STPG1: variants seen among roughly 807,000 people sequenced by gnomAD.
STPG1 encodes the protein O(6)-methylguanine-induced apoptosis 2.
STPG1 carries 33 observed loss-of-function variants against 40.1 expected under a neutral mutation model. The observed-to-expected ratio is 0.82, with a 90% CI of 0.62 to 1.10. The LOEUF is 1.10. Ranked by LOEUF, STPG1 falls within the 50% of genes least tolerant of loss-of-function variation. STPG1 has a pLI of 0.00. For missense variants in STPG1, 396 were observed against 415.1 expected, an observed-to-expected ratio of 0.95 and a Z score of 0.40; for synonymous variants, 150 against 155.0, an observed-to-expected ratio of 0.97 and a Z score of 0.24.
At chr1:24,390,041 A>G (rs1642694069) in intron 3 of STPG1, among the ~76,000 whole-genome samples, 1 of 152,230 alleles carries the variant, frequency 6.6e-6, no homozygotes, top group Non-Finnish European at 1.5e-5. Context: ...CCCTCACTCC[A>G]TGCCTTGGCT....
chr1:24,364,343 G>A, intron 7 of STPG1: 1 of 1,547,660 alleles, frequency 6.5e-7, no homozygotes, highest in Non-Finnish European at 8.7e-7. Flanking sequence ...ACCGTCAACA[G>A]CCTGCACTTC....
chr1:24,410,757 A>G (rs1040823089), intron 1 of STPG1: 2 of 152,300 alleles, frequency 1.3e-5, no homozygotes, highest in Non-Finnish European at 2.9e-5. Flanking sequence ...AGCACTGCCC[A>G]GGTGTGCCTC....
At chr1:24,413,463 G>A (rs1643837660) in intron 1 of STPG1, among the ~76,000 whole-genome samples, 1 of 152,256 alleles carries the variant, frequency 6.6e-6, no homozygotes, top group African/African-American at 2.4e-5. Flanking sequence ...CACTTTTCGG[G>A]TGGAAACACC....
rs781122156 is a variant in STPG1 at position 24,360,909 on chromosome 1, G to A, written c.870C>T (p.Phe290=). The A allele has an allele frequency of 1.9e-5, 31 of 1,613,796 alleles. No individual in the cohort carries two copies. The highest frequency in any genetic ancestry group is 2.3e-5 in the Non-Finnish European group (27 of 1,179,954). Residue 290 remains phenylalanine, a synonymous_variant, in exon 8 of 9, where the codon TTC becomes TTT. Transcript: ENST00000337248. ...PRKHFISSAS[F]VSNTSRWTAA... ...CTGTCCACCGGCTGGTATTGGACAC[G>A]AATGATGCACTAGAGATGAAATGCT... is the stretch of plus-strand genomic sequence containing the variant.
chr1:24,392,760 G>T (rs182523072), intron 2 of STPG1, among the ~76,000 whole-genome samples: 1 of 152,010 alleles, frequency 6.6e-6, no homozygotes, highest in Non-Finnish European at 1.5e-5. Context: ...TGGGTGGGGG[G>T]GTGCATCCTG....
At chr1:24,395,257 T>C (rs1257813710) in intron 2 of STPG1, among the ~76,000 whole-genome samples, 2 of 151,670 alleles carry the variant, frequency 1.3e-5, no homozygotes, top group Non-Finnish European at 2.9e-5. Flanking sequence ...ACTATATAAA[T>C]ATTGAAAGAA....
At chr1:24,367,689 T>C (rs1334149248) in intron 7 of STPG1, among the ~76,000 whole-genome samples, 2 of 152,120 alleles carry the variant, frequency 1.3e-5, no homozygotes, top group East Asian at 1.9e-4. Context: ...CAGCTTTGTA[T>C]TTTTAGTAGA....
At chr1:24,382,636 C>T (rs552723761) in intron 4 of STPG1, among the ~76,000 whole-genome samples, 1 of 152,278 alleles carries the variant, frequency 6.6e-6, no homozygotes, top group Admixed American at 6.5e-5. Flanking sequence ...TTCTGTGGAC[C>T]TACTGAGGCC....
At chr1:24,367,910 CA>C (rs1371179592) in intron 7 of STPG1, among the ~76,000 whole-genome samples, 2 of 152,144 alleles carry the variant, frequency 1.3e-5, no homozygotes, top group Non-Finnish European at 2.9e-5. Context: ...AACTGAGGCT[CA>C]GAGAGGAGAA....
Position 24,358,222 on chromosome 1 carries a change from T to C in STPG1, c.*321A>G. 1.7e-6 allele frequency: 1 copy of C among 572,468 alleles called. No individual in the cohort carries two copies. The highest frequency in any genetic ancestry group is 1.5e-5 in the South Asian group (1 of 65,614). The allele number at this position is 572,468 out of a possible 1,614,324, so 35.5% of individuals were successfully genotyped here. ...GTCTGCGCTTCAGGAGTCCCTTCAG[T>C]CTGCGGCAGGGAGTCGTGCCGGAAG... On this transcript the variant is annotated 3_prime_UTR_variant, in exon 9 of 9. Transcript: ENST00000337248.
At chr1:24,406,656 GT>G (rs1344454638) in intron 1 of STPG1, among the ~76,000 whole-genome samples, 1 of 151,772 alleles carries the variant, frequency 6.6e-6, no homozygotes, top group African/African-American at 2.4e-5. Flanking sequence ...GGGTTCATAG[GT>G]TTTTTTCTCT....
At chr1:24,364,632 C>A in intron 7 of STPG1, 1 of 452,480 alleles carries the variant, frequency 2.2e-6, no homozygotes, top group Non-Finnish European at 3.6e-6. Context: ...GGAGCCCAGG[C>A]ATCTGAGGCC....
chr1:24,378,147 A>T (rs950652521), intron 5 of STPG1, among the ~76,000 whole-genome samples: 2 of 152,044 alleles, frequency 1.3e-5, no homozygotes, highest in Middle Eastern at 3.4e-3. Flanking sequence ...CCCAAATTAA[A>T]ATGTGCTGGA....
intron 4 of STPG1, among the ~76,000 whole-genome samples, chr1:24,382,786 T>TA (rs536991802): frequency 2.0e-4 from 29 of 148,600 alleles, no homozygotes; most frequent in Middle Eastern, 3.4e-3. Context: ...TTTGTGTGGT[T>TA]AAAAAAAAAA....
intron 2 of STPG1, among the ~76,000 whole-genome samples, chr1:24,392,856 G>T (rs967093296): frequency 9.2e-5 from 9 of 97,718 alleles, no homozygotes; most frequent in Non-Finnish European, 2.1e-4. Context: ...GCAGAAATGG[G>T]GGAAAAAAAA....
chr1:24,387,793 G>T (rs961076576), intron 3 of STPG1, among the ~76,000 whole-genome samples: 3 of 152,186 alleles, frequency 2.0e-5, no homozygotes, highest in African/African-American at 7.2e-5. Context: ...AGGCTTCACA[G>T]AGCAGGGAGG....
intron 6 of STPG1, among the ~76,000 whole-genome samples, chr1:24,370,069 G>A (rs1641664021): frequency 6.6e-6 from 1 of 152,118 alleles, no homozygotes; most frequent in South Asian, 2.1e-4. Context: ...CTGGCAAGAT[G>A]AGTATTACTG....
intron 7 of STPG1, among the ~76,000 whole-genome samples, chr1:24,361,591 G>T (rs1641121100): frequency 6.6e-6 from 1 of 152,100 alleles, no homozygotes; most frequent in African/African-American, 2.4e-5. Flanking sequence ...CTGTAACATT[G>T]ACATTCCAGA....
rs370971669 is a variant in STPG1, at chr1:24,368,374, C to G, written c.737+1300G>C. Among the ~76,000 whole-genome samples, 26 of 152,306 alleles carry G rather than the reference C, an allele frequency of 1.7e-4. 1 individual carries two copies. Among genetic ancestry groups the G allele is most frequent in the East Asian group, 1.4e-3 (7 of 5,172 alleles). On this transcript the variant is annotated intron_variant, in intron 7 of 8. Transcript: ENST00000337248. ...CCACTGTGGCTATGGCTCCTAACAC[C>G]TGCCTGATCTCTCTGGAGGGGCCCA...
Sources: gnomAD v4.1 joint callset for allele counts (sites outside exome capture counted in the v4.1 genomes callset) on GRCh38, gnomAD v4.1.1 for gene constraint, MANE v1.5 for transcripts, NCBI Gene and HGNC (gene_info 2026-07-23, HGNC 2026-07-21) for gene names.